Variants in DLC1 observed in about 807,000 individuals in gnomAD.
The protein encoded by DLC1 is rho GTPase-activating protein 7.
In DLC1, 54 loss-of-function variants were observed where a neutral mutation model predicts 140.3. The ratio of observed to expected loss-of-function variants is 0.38; its 90% CI spans 0.31 to 0.48. The LOEUF (loss-of-function observed/expected upper bound fraction) is 0.48. Among genes scored for constraint, DLC1 ranks in the 20% least tolerant of loss-of-function variants. DLC1 has a pLI of 0.96. For synonymous variants in DLC1, 986 were observed against 728.1 expected, an observed-to-expected ratio of 1.35 and a Z score of -5.70; for missense variants, 2,536 against 1,907.0, an observed-to-expected ratio of 1.33 and a Z score of -6.14.
intron 1 of DLC1, among the ~76,000 whole-genome samples, chr8:13,570,883 G>T (rs1038931774): frequency 1.3e-5 from 2 of 152,048 alleles, no homozygotes; most frequent in Non-Finnish European, 2.9e-5. Context: ...CCTCATTCTA[G>T]ACTAACCTAC....
At chr8:13,206,551 T>C (rs1283911258) in intron 5 of DLC1, among the ~76,000 whole-genome samples, 4 of 152,100 alleles carry the variant, frequency 2.6e-5, no homozygotes, top group African/African-American at 7.2e-5. Flanking sequence ...GTTTAACAAA[T>C]ATAATATTTC....
chr8:13,455,758 C>A (rs892998902), intron 2 of DLC1, among the ~76,000 whole-genome samples: 6 of 152,128 alleles, frequency 3.9e-5, no homozygotes, highest in Admixed American at 3.3e-4. Context: ...TGCATGTAAT[C>A]CCAGCACTTT....
At chr8:13,200,147 A>G (rs909259102) in intron 5 of DLC1, among the ~76,000 whole-genome samples, 14 of 152,092 alleles carry the variant, frequency 9.2e-5, no homozygotes, top group African/African-American at 3.1e-4. Context: ...GGTTCAAGCG[A>G]TTCTCCTGCC....
chr8:13,318,512 T>A lies in DLC1; in HGVS notation c.1315-13210A>T, dbSNP rs544247380. On this transcript the variant is annotated intron_variant, in intron 4 of 17. Coordinates refer to ENST00000276297, the MANE Select transcript of DLC1 (RefSeq NM_182643.3). ...CTTAGTTAAGTTCATGTTCTCCCCTTCTCTTCTATCCAGCCTCTTTAGGAC... is the reference window on the plus strand; with the variant it reads ...CTTAGTTAAGTTCATGTTCTCCCCTACTCTTCTATCCAGCCTCTTTAGGAC... Among the ~76,000 whole-genome samples the A allele has an allele frequency of 2.0e-5, 3 of 152,324 alleles. No individual in the cohort carries two copies. The East Asian group carries it at 5.8e-4, about 29-fold the overall frequency.
intron 1 of DLC1, among the ~76,000 whole-genome samples, chr8:13,559,770 A>G (rs1351210667): frequency 6.6e-6 from 1 of 152,186 alleles, no homozygotes; most frequent in Non-Finnish European, 1.5e-5. Context: ...CTCAAATTCA[A>G]ATTAATGGCA....
chr8:13,152,378 C>T (rs770399394), intron 5 of DLC1, among the ~76,000 whole-genome samples: 3 of 151,978 alleles, frequency 2.0e-5, no homozygotes, highest in Non-Finnish European at 4.4e-5. Context: ...GTTTATATAA[C>T]CCAAAAAAAT....
chr8:13,357,450 C>T (rs1586199922), intron 4 of DLC1, among the ~76,000 whole-genome samples: 1 of 152,312 alleles, frequency 6.6e-6, no homozygotes, highest in Non-Finnish European at 1.5e-5. Context: ...GGCCTGAGCC[C>T]CAGCACGTTG....
At chr8:13,327,561 C>G (rs1319517024) in intron 4 of DLC1, among the ~76,000 whole-genome samples, 1 of 151,420 alleles carries the variant, frequency 6.6e-6, no homozygotes, top group African/African-American at 2.4e-5. Context: ...TTCAAGCAAT[C>G]CTCCTGTCTC....
chr8:13,592,751 A>C (rs906166107), intron 1 of DLC1, among the ~76,000 whole-genome samples: 1 of 152,244 alleles, frequency 6.6e-6, no homozygotes, highest in African/African-American at 2.4e-5. Flanking sequence ...CTACTGCCCA[A>C]GCCAACAGTT....
At chr8:13,559,984 G>A (rs1481846709) in intron 1 of DLC1, among the ~76,000 whole-genome samples, 2 of 152,122 alleles carry the variant, frequency 1.3e-5, no homozygotes, top group Non-Finnish European at 2.9e-5. Flanking sequence ...ATGTAAATAA[G>A]GCAGCTATCT....
chr8:13,230,901 T>C (rs1411918480), intron 5 of DLC1, among the ~76,000 whole-genome samples: 1 of 152,080 alleles, frequency 6.6e-6, no homozygotes, highest in Non-Finnish European at 1.5e-5. Flanking sequence ...CTGGCCCAGA[T>C]ATAGATTTTT....
intron 3 of DLC1, among the ~76,000 whole-genome samples, chr8:13,395,671 A>G (rs542679645): frequency 4.3e-4 from 65 of 152,268 alleles, no homozygotes; most frequent in African/African-American, 1.5e-3. Context: ...AAGCATCAAA[A>G]CTAAATTTTC....
At chr8:13,441,350 T>C (rs1294959296) in intron 2 of DLC1, among the ~76,000 whole-genome samples, 1 of 152,192 alleles carries the variant, frequency 6.6e-6, no homozygotes, top group Non-Finnish European at 1.5e-5. Flanking sequence ...TGTTGGAAGT[T>C]CTGGCCAGGG....
chr8:13,413,171 T>A (rs1837866604), intron 2 of DLC1, among the ~76,000 whole-genome samples: 1 of 151,318 alleles, frequency 6.6e-6, no homozygotes, highest in Non-Finnish European at 1.5e-5. Context: ...CACGAAGCTT[T>A]TCCAACCCGC....
chr8:13,111,077 G>A (rs1820071012), intron 6 of DLC1, among the ~76,000 whole-genome samples: 1 of 152,166 alleles, frequency 6.6e-6, no homozygotes, highest in African/African-American at 2.4e-5. Context: ...AAGTGGTTCA[G>A]AACATTGTTA....
intron 1 of DLC1, chr8:13,568,011 G>T: frequency 6.9e-7 from 1 of 1,454,938 alleles, no homozygotes; most frequent in South Asian, 1.5e-5. Flanking sequence ...CAGGCACTTG[G>T]GAAACTAACT....
At position 13,247,952 on chromosome 8, in the gene DLC1, A is replaced by G. The variant is rs113225106; in HGVS notation, c.1348+57317T>C. On this transcript the variant is annotated intron_variant, in intron 5 of 17. Coordinates refer to ENST00000276297, the MANE Select transcript of DLC1 (RefSeq NM_182643.3). ...ATGTTGTTTACAGTGAGTCTAATAA[A>G]CAATATGTAAATGATTAGCTGTAGT... Among the ~76,000 whole-genome samples, 299 of 152,334 alleles carry G rather than the reference A, an allele frequency of 2.0e-3. 1 individual carries two copies. The highest frequency in any genetic ancestry group is 6.8e-3 in the African/African-American group (284 of 41,564).
At chr8:13,310,758 A>G (rs1036463045) in intron 4 of DLC1, among the ~76,000 whole-genome samples, 2 of 152,186 alleles carry the variant, frequency 1.3e-5, no homozygotes. Flanking sequence ...CTGATTGGCA[A>G]TCTGATATCA....
chr8:13,573,625 G>A (rs1051256503), intron 1 of DLC1, among the ~76,000 whole-genome samples: 7 of 152,132 alleles, frequency 4.6e-5, no homozygotes, highest in African/African-American at 1.7e-4. Context: ...AAAGTTCTCT[G>A]TAATTCTTAG....
Sources: allele counts gnomAD v4.1 joint callset (sites outside exome capture counted in the v4.1 genomes callset), GRCh38; gene constraint gnomAD v4.1.1; transcripts MANE v1.5; gene names NCBI Gene and HGNC (gene_info 2026-07-23, HGNC 2026-07-21).